Variants in PIK3R3 observed in about 807,000 individuals in gnomAD.
PIK3R3 encodes phosphatidylinositol 3-kinase regulatory subunit gamma.
Under a neutral mutation model 62.9 loss-of-function variants are expected in PIK3R3, and 64 were observed. The ratio of observed to expected loss-of-function variants is 1.02; its 90% CI spans 0.83 to 1.25. The LOEUF is 1.25. Ranked by LOEUF, PIK3R3 falls within the 50% of genes most tolerant of loss-of-function variation. The pLI is 0.00. For missense variants in PIK3R3, 614 were observed against 561.6 expected (o/e 1.09, Z -0.94); for synonymous variants, 165 against 189.0 (o/e 0.87, Z 1.04).
chr1:46,073,752 T>A (rs1476274818), intron 3 of PIK3R3, among the ~76,000 whole-genome samples: 1 of 151,298 alleles, frequency 6.6e-6, no homozygotes, highest in Non-Finnish European at 1.5e-5. Flanking sequence ...CCCAAGTAGC[T>A]GGGACCATAG....
At chr1:46,095,946 T>C (rs1432519006) in intron 1 of PIK3R3, among the ~76,000 whole-genome samples, 1 of 152,220 alleles carries the variant, frequency 6.6e-6, no homozygotes, top group African/African-American at 2.4e-5. Flanking sequence ...ATGAATTATA[T>C]GTATATTTTT....
At chr1:46,098,396 A>G (rs1408064597) in intron 1 of PIK3R3, among the ~76,000 whole-genome samples, 3 of 152,264 alleles carry the variant, frequency 2.0e-5, no homozygotes, top group Admixed American at 1.3e-4. Context: ...AAAACTTGCA[A>G]TGAATGTTCA....
At chr1:46,168,940 C>T in the PIK3R3 span, among the ~76,000 whole-genome samples, 2 of 152,176 alleles carry the variant, frequency 1.3e-5, no homozygotes, top group Non-Finnish European at 2.9e-5. Context: ...CCACTCCAAC[C>T]TCCTCACCCC....
intron 9 of PIK3R3, among the ~76,000 whole-genome samples, chr1:46,045,276 T>C (rs1356239698): frequency 6.6e-6 from 1 of 152,188 alleles, no homozygotes; most frequent in East Asian, 1.9e-4. Context: ...TCTGGCACCA[T>C]CATAACTCTT....
At chr1:46,146,083 C>CT in the PIK3R3 span, among the ~76,000 whole-genome samples, 11 of 152,306 alleles carry the variant, frequency 7.2e-5, no homozygotes, top group Admixed American at 2.6e-4. Context: ...TTTTTCATGT[C>CT]TAACGGGGCT....
intron 3 of PIK3R3, among the ~76,000 whole-genome samples, chr1:46,068,758 G>C (rs1317944699): frequency 2.0e-5 from 3 of 152,224 alleles, no homozygotes; most frequent in Non-Finnish European, 4.4e-5. Context: ...CCAAAAGGGA[G>C]AGTAATAGGA....
chr1:46,063,473 G>A (rs920960232), intron 5 of PIK3R3, among the ~76,000 whole-genome samples: 16 of 152,172 alleles, frequency 1.1e-4, no homozygotes, highest in Non-Finnish European at 1.6e-4. Context: ...GAGAGCTTTA[G>A]CTCCCTTGCC....
chr1:46,161,992 T>C, the PIK3R3 span, among the ~76,000 whole-genome samples: 1 of 150,048 alleles, frequency 6.7e-6, no homozygotes, highest in Non-Finnish European at 1.5e-5. Flanking sequence ...CTTGGGAGGC[T>C]GAGGCAGGAG....
chr1:46,079,373 A>C (rs1465482603), intron 2 of PIK3R3, among the ~76,000 whole-genome samples: 1 of 152,166 alleles, frequency 6.6e-6, no homozygotes, highest in African/African-American at 2.4e-5. Flanking sequence ...CCAGAAAACA[A>C]ATCTGTCCTA....
chr1:46,067,953 A>C (rs1219308867), intron 3 of PIK3R3, among the ~76,000 whole-genome samples: 1 of 152,246 alleles, frequency 6.6e-6, no homozygotes, highest in Non-Finnish European at 1.5e-5. Context: ...AGGTTGATTC[A>C]TAGCAAAATG....
At chr1:46,117,426 G>C (rs915125683) in intron 1 of PIK3R3, among the ~76,000 whole-genome samples, 1 of 151,086 alleles carries the variant, frequency 6.6e-6, no homozygotes, top group Non-Finnish European at 1.5e-5. Flanking sequence ...GCAAGATCTT[G>C]TATCCAAAAA....
rs77628830 is a variant in PIK3R3, at chr1:46,131,216, T to C, written c.106+631A>G. ...AGTAATAAAATATTGCACGTAGATT[T>C]CTCTGAGCGACTATCTTCTGAGAAG... On this transcript the variant is annotated intron_variant, in intron 1 of 9. Coordinates refer to ENST00000262741, the MANE Select transcript of PIK3R3 (RefSeq NM_003629.4). 3.7e-3 allele frequency among the ~76,000 whole-genome samples: 566 copies of C among 152,302 alleles called. 3 individuals carry two copies. The highest frequency in any genetic ancestry group is 0.013 in the African/African-American group (538 of 41,556).
chr1:46,132,730 G>C (rs772665139), upstream of PIK3R3: 99 of 1,288,326 alleles, frequency 7.7e-5, no homozygotes, highest in Non-Finnish European at 9.3e-5. Context: ...GCGCCGGGAG[G>C]GGGGACAGCA....
intron 1 of PIK3R3, among the ~76,000 whole-genome samples, chr1:46,099,762 G>C (rs1414318901): frequency 6.6e-6 from 1 of 151,924 alleles, no homozygotes; most frequent in Non-Finnish European, 1.5e-5. Context: ...GTTTCCCTAG[G>C]GTATACACTT....
chr1:46,090,147 A>G (rs913646276), intron 1 of PIK3R3, among the ~76,000 whole-genome samples: 1 of 152,132 alleles, frequency 6.6e-6, no homozygotes, highest in Non-Finnish European at 1.5e-5. Flanking sequence ...AATAAAAAGA[A>G]ACCTAGAGTT....
chr1:46,118,537 C>T (rs1034949409), intron 1 of PIK3R3, among the ~76,000 whole-genome samples: 1 of 151,886 alleles, frequency 6.6e-6, no homozygotes, highest in Non-Finnish European at 1.5e-5. Context: ...AGCCCCACCA[C>T]CCATACCATT....
chr1:46,075,939 G>A (rs1443915326), intron 3 of PIK3R3, among the ~76,000 whole-genome samples: 4 of 152,228 alleles, frequency 2.6e-5, no homozygotes, highest in Admixed American at 2.6e-4. Context: ...AAGTCCTGGA[G>A]TCCAAAGGCT....
chr1:46,126,249 T>C (rs1655085684), intron 1 of PIK3R3, among the ~76,000 whole-genome samples: 1 of 152,066 alleles, frequency 6.6e-6, no homozygotes, highest in African/African-American at 2.4e-5. Flanking sequence ...TTTAAATGTC[T>C]TCTATTGGCC....
At chr1:46,063,008 A>G (rs1436334029) in intron 5 of PIK3R3, among the ~76,000 whole-genome samples, 2 of 152,206 alleles carry the variant, frequency 1.3e-5, no homozygotes, top group African/African-American at 4.8e-5. Context: ...AGAAATTACC[A>G]TCTGGTGATA....
Sources: allele counts gnomAD v4.1 joint callset (sites outside exome capture counted in the v4.1 genomes callset), GRCh38; gene constraint gnomAD v4.1.1; transcripts MANE v1.5; gene names NCBI Gene and HGNC (gene_info 2026-07-23, HGNC 2026-07-21).